UBN1: variants seen among roughly 807,000 people sequenced by gnomAD.
The protein encoded by UBN1 is ubinuclein 1.
Under a neutral mutation model 108.5 loss-of-function variants are expected in UBN1, and 17 were observed. That is an observed-to-expected ratio of 0.16 (90% CI 0.11 to 0.24). The LOEUF is 0.24. UBN1 is among the 10% of genes least tolerant of loss of function. The pLI is 1.00. For synonymous variants in UBN1, 726 were observed against 564.2 expected (o/e 1.29, Z -4.07); for missense variants, 1,595 against 1,394.4 (o/e 1.14, Z -2.29).
In UBN1 at chr16:4,880,180, C is replaced by A. The variant is rs542377656; in HGVS notation, c.*48C>A. ...CACTTGGGTCTGGGTGGAATCAGAACGTGCAGGTCTCCCAGGATGTACACT... is the reference window on the plus strand; with the variant it reads ...CACTTGGGTCTGGGTGGAATCAGAAAGTGCAGGTCTCCCAGGATGTACACT... On this transcript the variant is annotated 3_prime_UTR_variant, in exon 18 of 18. Transcript: ENST00000262376. 1.9e-6 allele frequency: 3 copies of A among 1,593,968 alleles called. No homozygotes were observed. The highest frequency in any genetic ancestry group is 2.6e-6 in the Non-Finnish European group (3 of 1,162,008).
chr16:4,868,991 A>G, intron 8 of UBN1, 88 bp downstream of exon 8: 2 of 1,322,786 alleles, frequency 1.5e-6, no homozygotes, highest in Admixed American at 1.9e-5. Flanking sequence ...TGGGAGTACA[A>G]TTGAACTGCA....
Position 4,852,983 on chromosome 16 carries a change from G to A in UBN1, c.66G>A (p.Lys22=). The part of the protein sequence containing the change: ...LPGSLNPAFL[K]KSRKEEAGAG... ...GTTCCCTGAATCCTGCGTTTTTGAA[G>A]AAGTCCCGGAAGGAGGAGGCTGGGG... The change falls in exon 2 of 18, where the codon AAG becomes AAA. Residue 22 remains lysine (K), a synonymous_variant. Coordinates refer to ENST00000262376, the MANE Select transcript of UBN1 (RefSeq NM_001079514.3). 1.2e-6 allele frequency: 2 copies of A among 1,614,206 alleles called. No homozygotes were observed. Among genetic ancestry groups the A allele is most frequent in the Non-Finnish European group, 1.7e-6 (2 of 1,180,038 alleles).
chr16:4,854,236 T>C (rs2086690139), intron 2 of UBN1, among the ~76,000 whole-genome samples: 1 of 151,486 alleles, frequency 6.6e-6, no homozygotes, highest in African/African-American at 2.4e-5. Context: ...CGTTTCAATG[T>C]GTTAGTCAGG....
rs1478746211 is a variant in UBN1 at position 4,860,765 on chromosome 16, C to T, written c.773C>T (p.Ala258Val). 6 of 1,614,080 alleles carry T rather than the reference C, an allele frequency of 3.7e-6. No homozygotes were observed. In the African/African-American group the frequency reaches 4.0e-5, roughly 11 times the overall value. The change falls in exon 7 of 18, where the codon GCT becomes GTT. Residue 258 changes from alanine (A) to valine (V), a missense_variant. Around this residue, in one of 3 missense-constraint regions of UBN1, gnomAD observed 1,398 missense variants for 1,194.7 expected, o/e 1.17. Coordinates refer to ENST00000262376, the MANE Select transcript of UBN1 (RefSeq NM_001079514.3). ...MLKKFQKEKEAQKKREEEHKP... is the reference protein window; with the variant it reads ...MLKKFQKEKEVQKKREEEHKP... ...AAGAAATTTCAGAAAGAGAAAGAGG[C>T]TCAGAAAAAAAGGGAGGAGGAGCAT...
At chr16:4,851,468 A>G (rs189228743) in intron 1 of UBN1, among the ~76,000 whole-genome samples, 9 of 152,154 alleles carry the variant, frequency 5.9e-5, no homozygotes, top group Admixed American at 4.6e-4. Context: ...AAAAACCTAT[A>G]TACACAAGTT....
At chr16:4,848,577 C>T (rs1216988391) in intron 1 of UBN1, among the ~76,000 whole-genome samples, 2 of 152,206 alleles carry the variant, frequency 1.3e-5, no homozygotes, top group Non-Finnish European at 2.9e-5. Context: ...CGGTGTTTAG[C>T]GTACTGGGTC....
chr16:4,876,967 A>C lies in UBN1; in HGVS notation c.3121A>C (p.Asn1041His). The change falls in exon 16 of 18, where the codon AAC (asparagine) becomes CAC (histidine). Residue 1041 changes from asparagine to histidine, a missense_variant. By Grantham distance (68) the Asn-to-His change is moderately conservative. Transcript: ENST00000262376. ...SPKLSGAMSSNSLGIITPVPI... is the reference protein window; with the variant it reads ...SPKLSGAMSSHSLGIITPVPI... Reference sequence around the variant, plus strand: ...AAAGCTGTCTGGGGCCATGAGCTCGAACTCCTTGGGAATTATAACCCCTGT... The same window carrying C: ...AAAGCTGTCTGGGGCCATGAGCTCGCACTCCTTGGGAATTATAACCCCTGT... 6.2e-7 allele frequency: 1 copy of C among 1,614,192 alleles called. No homozygotes were observed. Among genetic ancestry groups the C allele is most frequent in the Non-Finnish European group, 8.5e-7 (1 of 1,180,022 alleles).
chr16:4,873,411 T>C (rs1467883943), intron 14 of UBN1, among the ~76,000 whole-genome samples: 1 of 152,204 alleles, frequency 6.6e-6, no homozygotes, highest in African/African-American at 2.4e-5. Context: ...TCTAGCCAAG[T>C]GCAGTTTAGC....
intron 1 of UBN1, among the ~76,000 whole-genome samples, chr16:4,851,109 A>G (rs984217794): frequency 2.0e-5 from 3 of 152,228 alleles, no homozygotes; most frequent in African/African-American, 7.2e-5. Flanking sequence ...TTGTTTAGTG[A>G]TTGATGCTGG....
Position 4,874,785 on chromosome 16 carries a change from G to T in UBN1, c.2375G>T (p.Gly792Val), listed in dbSNP as rs1027066691. 1.9e-6 allele frequency: 3 copies of T among 1,613,880 alleles called. No individual in the cohort carries two copies. In the African/African-American group the frequency reaches 4.0e-5, roughly 22 times the overall value. The stretch of plus-strand genomic sequence containing the variant: ...CACAGCTTGCCACGGACGTCTCACG[G>T]GCCCCAAGTGGCAGTTCCTGTGCCT... Reference protein sequence around the residue: ...KHHSLPRTSHGPQVAVPVPGP... With the variant: ...KHHSLPRTSHVPQVAVPVPGP... Residue 792 changes from glycine (G) to valine (V), a missense_variant, in exon 15 of 18, where the codon GGG (glycine) becomes GTG (valine). Gly to Val is a moderately radical substitution (Grantham distance 109, BLOSUM62 -3). Coordinates refer to ENST00000262376, the MANE Select transcript of UBN1 (RefSeq NM_001079514.3).
Position 4,875,285 on chromosome 16 carries a change from C to T in UBN1, c.2875C>T (p.Pro959Ser). ...CCCAAGTTCAGCAGGGAAAAAAATG[C>T]CTGTTTCCCAGAAGTTGACTCTGGT... ...PVPSSAGKKMPVSQKLTLVAP... is the reference protein window; with the variant it reads ...PVPSSAGKKMSVSQKLTLVAP... Residue 959 changes from proline (P) to serine (S), a missense_variant, in exon 15 of 18, where the codon CCT (proline) becomes TCT (serine). Pro to Ser is a moderately conservative substitution (Grantham distance 74). Coordinates refer to ENST00000262376, the MANE Select transcript of UBN1 (RefSeq NM_001079514.3). The T allele has an allele frequency of 6.2e-7, 1 of 1,614,218 alleles. No homozygotes were observed. The highest frequency in any genetic ancestry group is 8.5e-7 in the Non-Finnish European group (1 of 1,180,044).
At chr16:4,860,557 A>T in intron 6 of UBN1, 107 bp from the exon 7 acceptor site, 1 of 1,164,464 alleles carries the variant, frequency 8.6e-7, no homozygotes, top group Non-Finnish European at 1.2e-6. Flanking sequence ...GTGGACTGTG[A>T]CAGGTTCTCC....
chr16:4,880,273 G>A lies in UBN1; in HGVS notation c.*141G>A. Reference sequence around the variant, plus strand: ...TGAGTTCTCAGCGGAGCGCTTCTCGGCACTTCTGATGTGCCTCCCATGGAG... The same window carrying A: ...TGAGTTCTCAGCGGAGCGCTTCTCGACACTTCTGATGTGCCTCCCATGGAG... On this transcript the variant is annotated 3_prime_UTR_variant, in exon 18 of 18. Coordinates refer to ENST00000262376, the MANE Select transcript of UBN1 (RefSeq NM_001079514.3). 2.0e-6 allele frequency: 2 copies of A among 990,850 alleles called. No homozygotes were observed. The highest frequency in any genetic ancestry group is 3.1e-6 in the Non-Finnish European group (2 of 641,630). The allele number at this position is 990,850 out of a possible 1,614,324, so 61.4% of individuals were successfully genotyped here.
At chr16:4,873,950 C>T (rs1410964250) in intron 14 of UBN1, among the ~76,000 whole-genome samples, 1 of 152,220 alleles carries the variant, frequency 6.6e-6, no homozygotes, top group Non-Finnish European at 1.5e-5. Flanking sequence ...AAAGTTTCTC[C>T]TGGCGGCTTG....
rs150281333 is a variant in UBN1 at position 4,874,436 on chromosome 16, G to A, written c.2026G>A (p.Val676Met). 29 of 1,613,982 alleles carry A rather than the reference G, an allele frequency of 1.8e-5. No homozygotes were observed. The highest frequency in any genetic ancestry group is 8.0e-5 in the African/African-American group (6 of 74,890). ...CAATCCAGCCTCCTCGGTGGAAGCC[G>A]TGTCCAAGGAATTGGCTGCATTGAA... Reference protein sequence around the residue: ...IRNPASSVEAVSKELAALNSR... With the variant: ...IRNPASSVEAMSKELAALNSR... Residue 676 changes from valine to methionine, a missense_variant, in exon 15 of 18, where the codon GTG (valine) becomes ATG (methionine). Val to Met is a conservative substitution (Grantham distance 21, BLOSUM62 1). Around this residue, in one of 3 missense-constraint regions of UBN1, gnomAD observed 1,398 missense variants for 1,194.7 expected, o/e 1.17. Coordinates refer to ENST00000262376, the MANE Select transcript of UBN1 (RefSeq NM_001079514.3).
In UBN1 at chr16:4,861,061, C is replaced by T. The variant is rs550566901; in HGVS notation, c.1069C>T (p.Leu357=). The change falls in exon 7 of 18, where the codon CTG becomes TTG. Residue 357 remains leucine, a synonymous_variant. Transcript: ENST00000262376. ...GCAGCCCTCTTCTCTCCCCGAAGGC[C>T]TGCCAGCACCCCTGGAGAAGCGCGT... ...FRQPSSLPEG[L]PAPLEKRVKE... is the part of the protein sequence containing the mutation. 4 of 1,613,954 alleles carry T rather than the reference C, an allele frequency of 2.5e-6. No individual in the cohort carries two copies. Among genetic ancestry groups the T allele is most frequent in the East Asian group, 4.5e-5 (2 of 44,886 alleles).
intron 1 of UBN1, among the ~76,000 whole-genome samples, chr16:4,851,924 A>G (rs189102601): frequency 4.5e-4 from 68 of 152,340 alleles, no homozygotes; most frequent in African/African-American, 1.6e-3. Context: ...AAGAGATATG[A>G]CAGATTTTGT....
chr16:4,875,259 T>G lies in UBN1; in HGVS notation c.2849T>G (p.Val950Gly). The change falls in exon 15 of 18, where the codon GTC becomes GGC. Residue 950 changes from valine to glycine, a missense_variant. Transcript: ENST00000262376. Reference sequence around the variant, plus strand: ...GTGGGACAGGCCACCAGCCGACCCGTCCCAAGTTCAGCAGGGAAAAAAATG... The same window carrying G: ...GTGGGACAGGCCACCAGCCGACCCGGCCCAAGTTCAGCAGGGAAAAAAATG... ...PSVGQATSRP[V>G]PSSAGKKMPV... 6.2e-7 allele frequency: 1 copy of G among 1,614,148 alleles called. No individual in the cohort carries two copies. The highest frequency in any genetic ancestry group is 1.3e-5 in the African/African-American group (1 of 75,024).
intron 15 of UBN1, among the ~76,000 whole-genome samples, chr16:4,876,407 A>G (rs1472466797): frequency 1.3e-5 from 2 of 152,298 alleles, no homozygotes; most frequent in African/African-American, 4.8e-5. Context: ...TAAACAAAAG[A>G]TTAATAAATA....
Sources: gnomAD v4.1 joint callset for allele counts (sites outside exome capture counted in the v4.1 genomes callset) on GRCh38, gnomAD v4.1.1 for gene constraint, gnomAD v4.1.1 regional missense constraint, MANE v1.5 for transcripts, NCBI Gene and HGNC (gene_info 2026-07-23, HGNC 2026-07-21) for gene names.